ERC2: variants seen among roughly 807,000 people sequenced by gnomAD.
The protein encoded by ERC2 is ERC protein 2.
In ERC2, 42 loss-of-function variants were observed where a neutral mutation model predicts 114.8. That is an observed-to-expected ratio of 0.37 (90% CI 0.29 to 0.47). The LOEUF is 0.47. Among genes scored for constraint, ERC2 ranks in the 20% least tolerant of loss-of-function variants. ERC2 has a pLI of 0.99. For synonymous variants in ERC2, 454 were observed against 425.5 expected, an observed-to-expected ratio of 1.07 and a Z score of -0.82; for missense variants, 939 against 1,150.7, an observed-to-expected ratio of 0.82 and a Z score of 2.66.
rs1223670744 is a variant in ERC2, at chr3:55,788,408, A to AAT, written c.2565-53492_2565-53491dup. On this transcript the variant is annotated intron_variant, in intron 14 of 17. Coordinates refer to ENST00000288221, the MANE Select transcript of ERC2 (RefSeq NM_015576.3). ...ACTCTCCCCTGTCTCTCCCCAAGAG[A>AAT]ATGATCATCAGCTACAATGGGAGGA... Among the ~76,000 whole-genome samples the AAT allele has an allele frequency of 3.3e-5, 5 of 152,128 alleles. No individual in the cohort carries two copies. In the East Asian group the frequency reaches 9.6e-4, roughly 29 times the overall value.
chr3:55,776,169 T>C (rs1225770678), intron 14 of ERC2, among the ~76,000 whole-genome samples: 5 of 151,388 alleles, frequency 3.3e-5, no homozygotes, highest in African/African-American at 4.9e-5. Context: ...TTGTTGAAAG[T>C]TTAGTAACTG....
chr3:56,105,774 G>T (rs1339037027), intron 6 of ERC2, among the ~76,000 whole-genome samples: 1 of 152,214 alleles, frequency 6.6e-6, no homozygotes, highest in African/African-American at 2.4e-5. Flanking sequence ...TGAGGAGGAT[G>T]AACAGTAGAC....
At chr3:56,459,701 A>G (rs1432022819) in intron 1 of ERC2, among the ~76,000 whole-genome samples, 1 of 152,164 alleles carries the variant, frequency 6.6e-6, no homozygotes, top group Admixed American at 6.5e-5. Context: ...CCAACTCTTC[A>G]TCCAGTGGGG....
chr3:55,969,392 TACACACACACACACACACAC>T (rs10555030), intron 12 of ERC2, among the ~76,000 whole-genome samples: 41 of 140,602 alleles, frequency 2.9e-4, no homozygotes, highest in Non-Finnish European at 5.0e-4. Context: ...TTTATACACA[TACACACACACACACACACAC>T]ACACACACAC....
chr3:55,897,986 G>A (rs962775403), intron 13 of ERC2, among the ~76,000 whole-genome samples: 2 of 152,178 alleles, frequency 1.3e-5, no homozygotes, highest in African/African-American at 4.8e-5. Context: ...CCCACATTAA[G>A]AACATTTGTT....
chr3:55,980,747 GA>G (rs111743935), intron 12 of ERC2, among the ~76,000 whole-genome samples: 11,924 of 144,000 alleles, frequency 0.083, 931 homozygotes, highest in African/African-American at 0.21. Flanking sequence ...AAAGGTTTTA[GA>G]AAAAAAAAAA....
intron 3 of ERC2, among the ~76,000 whole-genome samples, chr3:56,182,240 A>G (rs1278644305): frequency 3.9e-5 from 6 of 152,192 alleles, no homozygotes. Flanking sequence ...ACTAATTTAT[A>G]AAATTAATTA....
chr3:56,300,094 G>A (rs2055762770), intron 2 of ERC2, among the ~76,000 whole-genome samples: 1 of 152,068 alleles, frequency 6.6e-6, no homozygotes, highest in Non-Finnish European at 1.5e-5. Context: ...GGGCAATAAT[G>A]AAGATAAGGT....
intron 15 of ERC2, among the ~76,000 whole-genome samples, chr3:55,707,761 G>A (rs778864882): frequency 6.6e-6 from 1 of 152,278 alleles, no homozygotes; most frequent in Middle Eastern, 3.4e-3. Flanking sequence ...TGCAGGCAGG[G>A]GTGGGGATTG....
chr3:56,432,796 G>C (rs191637874), intron 2 of ERC2, among the ~76,000 whole-genome samples: 151 of 152,318 alleles, frequency 9.9e-4, no homozygotes, highest in African/African-American at 3.6e-3. Flanking sequence ...AGTCAACTTA[G>C]AGTTATCTCA....
chr3:55,888,630 A>G, intron 13 of ERC2, 81 bp from the exon 14 acceptor site: 1 of 1,534,742 alleles, frequency 6.5e-7, no homozygotes, highest in Non-Finnish European at 8.9e-7. Flanking sequence ...TGTTCCAACA[A>G]CAAACACAAA....
chr3:55,984,783 G>T (rs951233113), intron 12 of ERC2, among the ~76,000 whole-genome samples: 1 of 152,228 alleles, frequency 6.6e-6, no homozygotes, highest in African/African-American at 2.4e-5. Context: ...AGTTCAGGCA[G>T]TTCTTGGGGG....
At chr3:55,578,769 G>A (rs952012839) in intron 17 of ERC2, among the ~76,000 whole-genome samples, 6 of 152,300 alleles carry the variant, frequency 3.9e-5, no homozygotes, top group Admixed American at 2.6e-4. Context: ...ATAGGTAGCT[G>A]TGCTGATCTT....
intron 15 of ERC2, among the ~76,000 whole-genome samples, chr3:55,714,436 T>C (rs548540447): frequency 5.9e-5 from 9 of 152,104 alleles, no homozygotes; most frequent in African/African-American, 2.2e-4. Context: ...AGGCTTTGGT[T>C]TATCAAATCA....
intron 7 of ERC2, among the ~76,000 whole-genome samples, chr3:56,080,127 A>G (rs890723746): frequency 2.0e-5 from 3 of 152,008 alleles, no homozygotes; most frequent in Non-Finnish European, 4.4e-5. Context: ...CTTCACACCC[A>G]CCCTTTTACT....
chr3:55,710,021 C>A (rs1041471510), intron 15 of ERC2, among the ~76,000 whole-genome samples: 1 of 152,098 alleles, frequency 6.6e-6, no homozygotes, highest in East Asian at 1.9e-4. Flanking sequence ...AAATGGCAGG[C>A]GATTGTTCCA....
intron 2 of ERC2, among the ~76,000 whole-genome samples, chr3:56,314,743 A>C (rs1430239513): frequency 1.3e-5 from 2 of 152,210 alleles, no homozygotes; most frequent in African/African-American, 4.8e-5. Flanking sequence ...GGCACAGATC[A>C]CAAAGATAAT....
chr3:55,765,657 T>G (rs975638154), intron 14 of ERC2, among the ~76,000 whole-genome samples: 3 of 152,112 alleles, frequency 2.0e-5, no homozygotes, highest in African/African-American at 4.8e-5. Context: ...TCCCTGAGGT[T>G]GAGGGAGCAG....
intron 15 of ERC2, among the ~76,000 whole-genome samples, chr3:55,700,744 A>G (rs2148826593): frequency 6.6e-6 from 1 of 152,184 alleles, no homozygotes; most frequent in East Asian, 1.9e-4. Context: ...AGGCTGGGTG[A>G]CACGTGCCTC....
Sources: allele counts gnomAD v4.1 joint callset (sites outside exome capture counted in the v4.1 genomes callset), GRCh38; gene constraint gnomAD v4.1.1; transcripts MANE v1.5; gene names NCBI Gene and HGNC (gene_info 2026-07-23, HGNC 2026-07-21).